Variants in ZNG1E observed in about 807,000 individuals in gnomAD.
The protein encoded by ZNG1E is zinc-regulated GTPase metalloprotein activator 1E.
At chr9:65,684,566 A>ACACACT in the ZNG1E span, among the ~76,000 whole-genome samples, 1 of 150,968 alleles carries the variant, frequency 6.6e-6, no homozygotes, top group South Asian at 2.1e-4. Context: ...ACACACACAC[A>ACACACT]CACATTCATA....
chr9:65,717,597 C>A, the ZNG1E span, among the ~76,000 whole-genome samples: 1 of 149,590 alleles, frequency 6.7e-6, no homozygotes, highest in African/African-American at 2.5e-5. Flanking sequence ...ATGCTGTGGG[C>A]AGTTTTGATA....
At chr9:65,665,457 G>A in the ZNG1E span, among the ~76,000 whole-genome samples, 1 of 152,274 alleles carries the variant, frequency 6.6e-6, no homozygotes, top group African/African-American at 2.4e-5. Flanking sequence ...TGAGGTTTGG[G>A]AAACTCCGCC....
At chr9:65,717,478 C>T in the ZNG1E span, among the ~76,000 whole-genome samples, 1 of 149,100 alleles carries the variant, frequency 6.7e-6, no homozygotes, top group Non-Finnish European at 1.5e-5. Context: ...TCCTTTTCTT[C>T]TTTTTACTTC....
the ZNG1E span, among the ~76,000 whole-genome samples, chr9:65,660,903 C>G: frequency 5.8e-4 from 80 of 138,798 alleles, no homozygotes; most frequent in East Asian, 0.013. Context: ...CTCAAGTGTC[C>G]AACAGGGCTA....
At chr9:65,691,336 G>T in the ZNG1E span, among the ~76,000 whole-genome samples, 2 of 149,514 alleles carry the variant, frequency 1.3e-5, no homozygotes, top group Admixed American at 1.3e-4. Context: ...GCCAGCCTCG[G>T]CCTCCCAAAG....
the ZNG1E span, among the ~76,000 whole-genome samples, chr9:65,663,115 G>A: frequency 6.6e-6 from 1 of 152,260 alleles, no homozygotes; most frequent in African/African-American, 2.4e-5. Context: ...TATCAGATGA[G>A]TGCTCTGTTT....
chr9:65,727,354 T>A, the ZNG1E span, among the ~76,000 whole-genome samples: 2 of 145,468 alleles, frequency 1.4e-5, no homozygotes, highest in African/African-American at 2.7e-5. Flanking sequence ...AAAAACAAGG[T>A]ATACAGGCAA....
the ZNG1E span, among the ~76,000 whole-genome samples, chr9:65,684,392 C>G: frequency 6.6e-6 from 1 of 151,324 alleles, no homozygotes; most frequent in Non-Finnish European, 1.5e-5. Flanking sequence ...CAAAAACTAG[C>G]CAGGCGTTGT....
chr9:65,675,582 G>A, the ZNG1E span, among the ~76,000 whole-genome samples: 1 of 149,174 alleles, frequency 6.7e-6, no homozygotes, highest in South Asian at 2.1e-4. Context: ...TGTGGGAACT[G>A]GTTAGGTCAG....
the ZNG1E span, chr9:65,677,352 CTG>C: frequency 9.1e-7 from 1 of 1,099,862 alleles, no homozygotes; most frequent in Non-Finnish European, 1.3e-6. Context: ...TTTTGAAACA[CTG>C]TTCCTTTGGC....
the ZNG1E span, chr9:65,700,608 A>ACT: frequency 1.2e-4 from 9 of 76,172 alleles, no homozygotes; most frequent in East Asian, 2.9e-3. Flanking sequence ...CTTCTCTTTG[A>ACT]CTCTTTCCTA....
chr9:65,680,958 T>C, the ZNG1E span, among the ~76,000 whole-genome samples: 2 of 152,194 alleles, frequency 1.3e-5, no homozygotes, highest in African/African-American at 4.8e-5. Context: ...CTGGCTAATT[T>C]TTTGTAATTT....
chr9:65,664,166 CTCTA>C, the ZNG1E span, among the ~76,000 whole-genome samples: 1 of 151,942 alleles, frequency 6.6e-6, no homozygotes, highest in African/African-American at 2.4e-5. Flanking sequence ...ATATGTAATA[CTCTA>C]TCTTTCTGTT....
At chr9:65,658,209 A>G in the ZNG1E span, among the ~76,000 whole-genome samples, 2 of 149,302 alleles carry the variant, frequency 1.3e-5, no homozygotes, top group Admixed American at 6.6e-5. Context: ...AAAAATATCC[A>G]CAGAGGCGTA....
the ZNG1E span, among the ~76,000 whole-genome samples, chr9:65,678,457 C>T: frequency 1.1e-4 from 15 of 138,808 alleles, no homozygotes. Context: ...AACTTTATTT[C>T]AGAAGACATG....
At chr9:65,657,034 G>T in the ZNG1E span, among the ~76,000 whole-genome samples, 1 of 151,880 alleles carries the variant, frequency 6.6e-6, no homozygotes, top group Non-Finnish European at 1.5e-5. Flanking sequence ...AGCATGAAAG[G>T]TAGAGACCAA....
chr9:65,671,308 A>AG, the ZNG1E span, among the ~76,000 whole-genome samples: 1 of 151,454 alleles, frequency 6.6e-6, no homozygotes, highest in South Asian at 2.1e-4. Context: ...GAAACAGTAT[A>AG]GAAAAAAAAA....
At chr9:65,693,231 G>A in the ZNG1E span, among the ~76,000 whole-genome samples, 1 of 152,172 alleles carries the variant, frequency 6.6e-6, no homozygotes, top group Non-Finnish European at 1.5e-5. Context: ...TTTTGGCTAA[G>A]ATCAAGTGTA....
chr9:65,668,509 A>T, the ZNG1E span, among the ~76,000 whole-genome samples: 1 of 150,774 alleles, frequency 6.6e-6, no homozygotes, highest in Non-Finnish European at 1.5e-5. Context: ...ATACATACAC[A>T]CACATATATA....
Sources: gnomAD v4.1 joint callset for allele counts (sites outside exome capture counted in the v4.1 genomes callset) on GRCh38, gnomAD v4.1.1 for gene constraint, MANE v1.5 for transcripts, NCBI Gene and HGNC (gene_info 2026-07-23, HGNC 2026-07-21) for gene names.